The following TPR variants were observed in gnomAD, a reference collection of about 807,000 sequenced individuals.
TPR encodes nucleoprotein TPR.
TPR carries 51 observed loss-of-function variants against 316.1 expected under a neutral mutation model. That is an observed-to-expected ratio of 0.16 (90% CI 0.13 to 0.20). TPR has a LOEUF of 0.20. Ranked by LOEUF, TPR falls within the 10% of genes least tolerant of loss-of-function variation. TPR has a pLI of 1.00. For missense variants in TPR, 2,272 were observed against 2,754.8 expected (o/e 0.82, Z 3.92); for synonymous variants, 981 against 914.7 (o/e 1.07, Z -1.31).
At position 186,367,995 on chromosome 1, in the gene TPR, GAAGT is replaced by G. The variant is rs757691357; in HGVS notation, c.331-17_331-14del. On this transcript the variant is annotated splice_polypyrimidine_tract_variant and intron_variant, in intron 3 of 50. Coordinates refer to ENST00000367478, the MANE Select transcript of TPR (RefSeq NM_003292.3). ...TTGTAAATTGGCTCTGTCATATAAA[GAAGT>G]AATAAGTAAGAAAATCAAGTAGAGC... 1.5e-5 allele frequency: 24 copies of G among 1,584,918 alleles called. No individual in the cohort carries two copies. The highest frequency in any genetic ancestry group is 5.1e-5 in the Admixed American group (3 of 59,346).
chr1:186,353,049 C>T (rs116545828), intron 18 of TPR, among the ~76,000 whole-genome samples: 3,509 of 152,158 alleles, frequency 0.023, 142 homozygotes, highest in African/African-American at 0.079. Flanking sequence ...TTTTATATTG[C>T]TTTTTATTAC....
At chr1:186,314,116 C>CT (rs1382206401) in intron 50 of TPR, 90 bp from the exon 51 acceptor site, 35 of 1,241,910 alleles carry the variant, frequency 2.8e-5, no homozygotes, top group Non-Finnish European at 3.8e-5. Context: ...TAAAAAATAT[C>CT]TAGGCATTGT....
Position 186,341,327 on chromosome 1 carries a change from T to A in TPR, c.3813A>T (p.Val1271=), listed in dbSNP as rs1313395243. ...TTAGCATTTTATTGGTCTCCATAAC[T>A]ACATTCATTGTTTCAGTTTTCTTCA... ...ELMKKTETMN[V]VMETNKMLRE... The change falls in exon 28 of 51, where the codon GTA becomes GTT. Residue 1271 remains valine, a synonymous_variant. Transcript: ENST00000367478. The A allele has an allele frequency of 6.2e-7, 1 of 1,613,994 alleles. No homozygotes were observed. Among genetic ancestry groups the A allele is most frequent in the Non-Finnish European group, 8.5e-7 (1 of 1,180,004 alleles).
At chr1:186,349,171 T>C (rs184468546) in intron 21 of TPR, among the ~76,000 whole-genome samples, 35 of 152,312 alleles carry the variant, frequency 2.3e-4, no homozygotes, top group Non-Finnish European at 4.4e-4. Context: ...TAGCCTACAG[T>C]TGGGAAAAAT....
Position 186,332,238 on chromosome 1 carries a change from G to A in TPR, c.5561C>T (p.Pro1854Leu). ...DQVSDDTVEM[P>L]LPKKLKSVTP... ...GACACTTTTCAACTTCTTTGGAAGAGGCATTTCCACTGTATCATCAGAGAC... is the reference window on the plus strand; with the variant it reads ...GACACTTTTCAACTTCTTTGGAAGAAGCATTTCCACTGTATCATCAGAGAC... Residue 1854 changes from proline (P) to leucine (L), a missense_variant, in exon 38 of 51, where the codon CCT (proline) becomes CTT (leucine). Coordinates refer to ENST00000367478, the MANE Select transcript of TPR (RefSeq NM_003292.3). 1 of 1,612,256 alleles carries A rather than the reference G, an allele frequency of 6.2e-7. No individual in the cohort carries two copies. The highest frequency in any genetic ancestry group is 8.5e-7 in the Non-Finnish European group (1 of 1,179,244).
At chr1:186,338,430 G>C (rs1398666284) in intron 30 of TPR, among the ~76,000 whole-genome samples, 187 bp from the exon 31 acceptor site, 1 of 151,942 alleles carries the variant, frequency 6.6e-6, no homozygotes, top group Non-Finnish European at 1.5e-5. Flanking sequence ...TTATTACATA[G>C]GTTTACATGC....
At chr1:186,353,600 C>T in intron 18 of TPR, 88 bp downstream of exon 18, 2 of 1,450,228 alleles carry the variant, frequency 1.4e-6, no homozygotes, top group Non-Finnish European at 1.9e-6. Flanking sequence ...ATACCTAAGT[C>T]CTATCAGTGA....
In TPR at chr1:186,333,349, C is replaced by T. The variant is rs753401568; in HGVS notation, c.5228G>A (p.Ser1743Asn). 18 of 1,613,404 alleles carry T rather than the reference C, an allele frequency of 1.1e-5. No homozygotes were observed. In the East Asian group the frequency reaches 3.3e-4, roughly 30 times the overall value. ...GPVEHVPVFG[S>N]TSGSVRSTSP... ...AGTAGAACGAACGGATCCACTTGTG[C>T]TTCCAAAAACTGGAACATGTTCCAC... is the stretch of plus-strand genomic sequence containing the variant. Residue 1743 changes from serine (S) to asparagine (N), a missense_variant, in exon 37 of 51, where the codon AGC (serine) becomes AAC (asparagine). Transcript: ENST00000367478.
Position 186,341,007 on chromosome 1 carries a change from A to C in TPR, c.4020+21T>G, listed in dbSNP as rs41315549. 9.0e-3 allele frequency: 14,425 copies of C among 1,596,206 alleles called. 85 individuals carry two copies. The highest frequency in any genetic ancestry group is 0.01 in the Non-Finnish European group (11,949 of 1,174,386). ...AAAAACACGTGTTTCCATGTTTTGG[A>C]AGAGTTTTAACTGCATTTACCTGGT... On this transcript the variant is annotated intron_variant, in intron 29 of 50. Coordinates refer to ENST00000367478, the MANE Select transcript of TPR (RefSeq NM_003292.3).
intron 48 of TPR, 118 bp from the exon 49 acceptor site, chr1:186,317,718 A>G: frequency 1.2e-6 from 1 of 832,564 alleles, no homozygotes; most frequent in Non-Finnish European, 1.8e-6. Context: ...TAAACAAAAA[A>G]TTATAGACTG....
chr1:186,325,685 A>G, intron 42 of TPR, 79 bp downstream of exon 42: 1 of 1,108,648 alleles, frequency 9.0e-7, no homozygotes, highest in Non-Finnish European at 1.3e-6. Flanking sequence ...AAATAAATTT[A>G]TATATTAGAA....
At chr1:186,330,525 G>C (rs1423244050) in intron 39 of TPR, among the ~76,000 whole-genome samples, 2 of 152,008 alleles carry the variant, frequency 1.3e-5, no homozygotes, top group African/African-American at 2.4e-5. Context: ...GTGAACATGG[G>C]ATGTATATTA....
At chr1:186,346,375 A>G in intron 22 of TPR, 88 bp from the exon 23 acceptor site, 1 of 1,292,814 alleles carries the variant, frequency 7.7e-7, no homozygotes, top group Non-Finnish European at 1.0e-6. Context: ...CTAATTTGAG[A>G]AGTAATAAAA....
rs770820606 is a variant in TPR at position 186,362,382 on chromosome 1, TAAA to T, written c.697-5_697-3del. 2.4e-5 allele frequency: 39 copies of T among 1,607,760 alleles called. 2 individuals are homozygous for T. In the Admixed American group the frequency reaches 5.9e-4, roughly 24 times the overall value. On this transcript the variant is annotated splice_polypyrimidine_tract_variant and splice_region_variant and intron_variant, in intron 6 of 50. Transcript: ENST00000367478. ...CATTTGTTCTTCCAGTCTAGAAACC[TAAA>T]AACAAAAAATAGAGCAGGGGGAAAG...
chr1:186,353,611 G>A, intron 18 of TPR, 77 bp downstream of exon 18: 1 of 1,516,742 alleles, frequency 6.6e-7, no homozygotes, highest in Non-Finnish European at 8.9e-7. Context: ...CTATCAGTGA[G>A]TAAAATTCAA....
At chr1:186,353,890 T>C (rs914907429) in intron 17 of TPR, 40 bp from the exon 18 acceptor site, 3 of 1,583,030 alleles carry the variant, frequency 1.9e-6, no homozygotes, top group Non-Finnish European at 2.6e-6. Flanking sequence ...ACTGAAATGA[T>C]ATCCTAGCTT....
At chr1:186,342,247 ACAGGCATGAGCCAC>A (rs1658531965) in intron 27 of TPR, 1 of 152,452 alleles carries the variant, frequency 6.6e-6, no homozygotes, top group Non-Finnish European at 1.5e-5. Context: ...TGCTGGGATT[ACAGGCATGAGCCAC>A]CATGCCCGGC....
At chr1:186,372,620 C>A (rs1451239308) in intron 2 of TPR, among the ~76,000 whole-genome samples, 1 of 152,104 alleles carries the variant, frequency 6.6e-6, no homozygotes, top group Non-Finnish European at 1.5e-5. Flanking sequence ...TTTCTTAAAG[C>A]AGAAGCAGTC....
In TPR at chr1:186,312,163, A is replaced by AATAC. The variant is rs771201446; in HGVS notation, c.*1804_*1807dup. 23 of 1,611,396 alleles carry AATAC rather than the reference A, an allele frequency of 1.4e-5. No individual in the cohort carries two copies. The Admixed American group carries it at 3.8e-4, about 27-fold the overall frequency. On this transcript the variant is annotated 3_prime_UTR_variant, in exon 51 of 51. Coordinates refer to ENST00000367478, the MANE Select transcript of TPR (RefSeq NM_003292.3). ...ATTTTCATTTTCCATGTGATATTCT[A>AATAC]ATACATAACAGGTGGCAGCATTCAG...
Sources: allele counts gnomAD v4.1 joint callset (sites outside exome capture counted in the v4.1 genomes callset), GRCh38; gene constraint gnomAD v4.1.1; transcripts MANE v1.5; gene names NCBI Gene and HGNC (gene_info 2026-07-23, HGNC 2026-07-21).